The following KIAA1328 variants were observed in gnomAD, a reference collection of about 807,000 sequenced individuals.
The protein encoded by KIAA1328 is KIAA1328.
Under a neutral mutation model 68.1 loss-of-function variants are expected in KIAA1328, and 52 were observed. The observed-to-expected ratio is 0.76, with a 90% confidence interval of 0.61 to 0.96. KIAA1328 has a LOEUF of 0.96. Among genes scored for constraint, KIAA1328 ranks in the 40% least tolerant of loss-of-function variants. KIAA1328 has a pLI of 0.00. For synonymous variants in KIAA1328, 232 were observed against 239.4 expected (o/e 0.97, Z 0.28); for missense variants, 641 against 677.6 (o/e 0.95, Z 0.60).
intron 4 of KIAA1328, among the ~76,000 whole-genome samples, chr18:36,866,173 C>T (rs1035854428): frequency 1.3e-5 from 2 of 152,192 alleles, no homozygotes; most frequent in African/African-American, 4.8e-5. Flanking sequence ...TGCTCAGTCA[C>T]CCCAGTCCTC....
intron 6 of KIAA1328, among the ~76,000 whole-genome samples, chr18:36,992,529 T>C (rs2053228929): frequency 6.6e-6 from 1 of 151,948 alleles, no homozygotes; most frequent in South Asian, 2.1e-4. Context: ...TTGCGTATCT[T>C]AAATGTTGCA....
In KIAA1328 at chr18:37,152,433, T is replaced by C. The variant is rs547812837; in HGVS notation, c.1233-7767T>C. Among the ~76,000 whole-genome samples the C allele has an allele frequency of 9.2e-5, 14 of 152,260 alleles. No homozygotes were observed. In the South Asian group the frequency reaches 2.9e-3, roughly 32 times the overall value. ...AGTTGCCTTCAGTGTTTAACCTTTG[T>C]TCTCCCTAGTAGAAGGCGAGCAGGG... On this transcript the variant is annotated intron_variant, in intron 7 of 9. Transcript: ENST00000280020.
At chr18:37,169,651 A>G (rs1219410981) in intron 8 of KIAA1328, among the ~76,000 whole-genome samples, 1 of 152,222 alleles carries the variant, frequency 6.6e-6, no homozygotes, top group African/African-American at 2.4e-5. Flanking sequence ...AAGCTGATGT[A>G]TAGCTTTCTG....
chr18:37,011,621 A>G (rs2053982348), intron 6 of KIAA1328, among the ~76,000 whole-genome samples: 1 of 152,212 alleles, frequency 6.6e-6, no homozygotes, highest in Non-Finnish European at 1.5e-5. Flanking sequence ...AAAGGAAATA[A>G]TTTAAATGAT....
chr18:36,969,100 G>A (rs2052063723), intron 6 of KIAA1328, among the ~76,000 whole-genome samples: 2 of 152,054 alleles, frequency 1.3e-5, no homozygotes, highest in Non-Finnish European at 2.9e-5. Flanking sequence ...TGAGAACAAA[G>A]GTACAATATA....
intron 7 of KIAA1328, among the ~76,000 whole-genome samples, chr18:37,141,560 A>C (rs1205472542): frequency 6.6e-6 from 1 of 152,242 alleles, no homozygotes; most frequent in African/African-American, 2.4e-5. Flanking sequence ...TGCTGTGAAC[A>C]TTTGTGTACA....
chr18:36,860,076 A>C (rs540355301), intron 4 of KIAA1328, among the ~76,000 whole-genome samples: 1 of 152,104 alleles, frequency 6.6e-6, no homozygotes, highest in African/African-American at 2.4e-5. Flanking sequence ...TTAATTTGTA[A>C]ACAAATTGGG....
At chr18:37,196,581 A>G (rs969961154) in intron 9 of KIAA1328, among the ~76,000 whole-genome samples, 2 of 152,176 alleles carry the variant, frequency 1.3e-5, no homozygotes, top group Non-Finnish European at 2.9e-5. Flanking sequence ...GACGTGATAT[A>G]TCACATTTAT....
chr18:37,174,574 T>G (rs1384608899), intron 9 of KIAA1328, among the ~76,000 whole-genome samples: 6 of 143,444 alleles, frequency 4.2e-5, no homozygotes, highest in Non-Finnish European at 9.0e-5. Context: ...TTTATTTTTA[T>G]TTTTATTTTT....
chr18:37,098,009 T>C (rs887622481), intron 7 of KIAA1328, among the ~76,000 whole-genome samples: 9 of 152,280 alleles, frequency 5.9e-5, no homozygotes, highest in African/African-American at 2.2e-4. Flanking sequence ...TACAATCATG[T>C]CATCTGCAAA....
chr18:37,132,814 G>T (rs944538480), intron 7 of KIAA1328, among the ~76,000 whole-genome samples: 8 of 152,132 alleles, frequency 5.3e-5, no homozygotes, highest in Admixed American at 1.3e-4. Flanking sequence ...AACTTTATTT[G>T]CAGTAGCCAC....
At position 37,222,121 on chromosome 18, in the gene KIAA1328, C is replaced by T. The variant is rs1173101465; in HGVS notation, c.1628C>T (p.Thr543Ile). ...GAAGCTGGGGCCTGGAATCATGGTA[C>T]TTTCCGACTCAGTCCTCTAAAATCA... ...SREAGAWNHG[T>I]FRLSPLKSTR... Residue 543 changes from threonine (T) to isoleucine (I), a missense_variant, in exon 10 of 10, where the codon ACT becomes ATT. Transcript: ENST00000280020. The T allele has an allele frequency of 6.2e-7, 1 of 1,612,864 alleles. No individual in the cohort carries two copies. The highest frequency in any genetic ancestry group is 1.1e-5 in the South Asian group (1 of 90,634).
chr18:36,842,186 C>T (rs1017836253), intron 3 of KIAA1328, among the ~76,000 whole-genome samples: 3 of 152,020 alleles, frequency 2.0e-5, no homozygotes, highest in African/African-American at 7.2e-5. Flanking sequence ...ATTATTGAAA[C>T]TTAGAAGCTT....
chr18:37,145,498 C>A (rs538328245), intron 7 of KIAA1328, among the ~76,000 whole-genome samples: 7 of 152,066 alleles, frequency 4.6e-5, no homozygotes, highest in Admixed American at 2.0e-4. Context: ...CTTCTTTAGC[C>A]TGCTGAATTC....
chr18:36,915,207 A>C (rs554397993), intron 5 of KIAA1328, among the ~76,000 whole-genome samples: 1 of 152,332 alleles, frequency 6.6e-6, no homozygotes, highest in Non-Finnish European at 1.5e-5. Context: ...ATGGAGCAAA[A>C]CTGAGATTCC....
intron 6 of KIAA1328, among the ~76,000 whole-genome samples, chr18:36,980,692 C>T (rs1220901968): frequency 6.6e-6 from 1 of 152,152 alleles, no homozygotes; most frequent in Non-Finnish European, 1.5e-5. Context: ...TATCTTGTAG[C>T]TCCCATAATT....
At chr18:37,193,873 A>G (rs961848987) in intron 9 of KIAA1328, among the ~76,000 whole-genome samples, 8 of 152,082 alleles carry the variant, frequency 5.3e-5, no homozygotes, top group Admixed American at 1.3e-4. Context: ...GGATATAGGT[A>G]CTCCTAGTTT....
At chr18:36,963,811 T>G (rs530966420) in intron 6 of KIAA1328, among the ~76,000 whole-genome samples, 45 of 152,356 alleles carry the variant, frequency 3.0e-4, no homozygotes, top group African/African-American at 1.1e-3. Flanking sequence ...TCTATCTCCC[T>G]TACCAGCTTT....
chr18:37,217,383 C>T (rs2060464856), intron 9 of KIAA1328, among the ~76,000 whole-genome samples: 1 of 152,114 alleles, frequency 6.6e-6, no homozygotes, highest in South Asian at 2.1e-4. Flanking sequence ...AATCTCTCAG[C>T]ATTTGCTTAT....
Sources: gnomAD v4.1 joint callset for allele counts (sites outside exome capture counted in the v4.1 genomes callset) on GRCh38, gnomAD v4.1.1 for gene constraint, MANE v1.5 for transcripts, NCBI Gene and HGNC (gene_info 2026-07-23, HGNC 2026-07-21) for gene names.